Variants in PSPC1 observed in about 807,000 individuals in gnomAD.
The protein encoded by PSPC1 is paraspeckle component 1.
A neutral mutation model predicts 51.6 loss-of-function variants in PSPC1; 14 were observed. The ratio of observed to expected loss-of-function variants is 0.27; its 90% confidence interval spans 0.18 to 0.42. The LOEUF is 0.42. PSPC1 is among the 10% of genes least tolerant of loss of function. The pLI is 1.00. For missense variants in PSPC1, 406 were observed against 701.1 expected (o/e 0.58, Z 4.75); for synonymous variants, 193 against 231.9 (o/e 0.83, Z 1.53).
intron 6 of PSPC1, among the ~76,000 whole-genome samples, chr13:19,691,312 G>A (rs1274612343): frequency 6.6e-6 from 1 of 152,126 alleles, no homozygotes; most frequent in African/African-American, 2.4e-5. Flanking sequence ...TTTGAGACAA[G>A]GAGTTTGAGA....
chr13:19,735,661 G>C (rs943797370), intron 5 of PSPC1, among the ~76,000 whole-genome samples: 4 of 152,086 alleles, frequency 2.6e-5, no homozygotes, highest in African/African-American at 9.7e-5. Context: ...TATTTGGCTT[G>C]TTAACAAATA....
chr13:19,714,880 A>G (rs1011436695), intron 6 of PSPC1, among the ~76,000 whole-genome samples: 1 of 152,186 alleles, frequency 6.6e-6, no homozygotes, highest in Non-Finnish European at 1.5e-5. Flanking sequence ...GGTTATTAAC[A>G]TACTCCTCCC....
At chr13:19,696,413 T>C (rs958264497) in intron 6 of PSPC1, among the ~76,000 whole-genome samples, 27 of 152,100 alleles carry the variant, frequency 1.8e-4, no homozygotes, top group Non-Finnish European at 5.9e-5. Flanking sequence ...CAACTGTCAA[T>C]ACAGCAAATA....
intron 1 of PSPC1, among the ~76,000 whole-genome samples, chr13:19,781,373 A>AT (rs920805003): frequency 6.6e-6 from 1 of 151,758 alleles, no homozygotes. Context: ...GCTTGTTCAA[A>AT]TTTTTTTTAA....
intron 6 of PSPC1, among the ~76,000 whole-genome samples, chr13:19,728,437 TAAACACACACACACACACACACACACAC>T (rs1443469251): frequency 1.2e-5 from 1 of 83,720 alleles, no homozygotes; most frequent in Non-Finnish European, 2.2e-5. Flanking sequence ...TTTCAAAGCT[TAAACACACACACACACACACACACACAC>T]ACACACACAC....
chr13:19,746,180 G>A (rs1242026334), intron 4 of PSPC1, among the ~76,000 whole-genome samples: 1 of 151,758 alleles, frequency 6.6e-6, no homozygotes, highest in East Asian at 1.9e-4. Context: ...GAGGTGGGCG[G>A]ATCACGAGGT....
Position 19,741,655 on chromosome 13 carries a change from AAAT to A in PSPC1, c.968-9_968-7del. The A allele has an allele frequency of 6.4e-7, 1 of 1,553,914 alleles. No individual in the cohort carries two copies. Among genetic ancestry groups the A allele is most frequent in the Non-Finnish European group, 8.8e-7 (1 of 1,138,250 alleles). Reference sequence around the variant, plus strand: ...TTCTTGACGCCTCATTAGATCTATAAAATAATGACTGCACATTAATATTTTTAG... The same window carrying A: ...TTCTTGACGCCTCATTAGATCTATAAAATGACTGCACATTAATATTTTTAG... On this transcript the variant is annotated splice_polypyrimidine_tract_variant and splice_region_variant and intron_variant, in intron 4 of 8. Coordinates refer to ENST00000338910, the MANE Select transcript of PSPC1 (RefSeq NM_001354909.2).
rs185350701 is a variant in PSPC1, at chr13:19,709,675, A to G, written c.1159-76T>C. On this transcript the variant is annotated intron_variant, in intron 6 of 8. Coordinates refer to ENST00000338910, the MANE Select transcript of PSPC1 (RefSeq NM_001354909.2). ...CATTTCCCATCTAAAATCAAAAAGA[A>G]AAGAGTGAATTGGGACATCATTTTT... 3,816 of 1,214,034 alleles carry G rather than the reference A, an allele frequency of 3.1e-3. 7 individuals are homozygous for G. Among genetic ancestry groups the G allele is most frequent in the Non-Finnish European group, 3.8e-3 (3,236 of 853,724 alleles). The allele number at this position is 1,214,034 out of a possible 1,614,324, so 75.2% of individuals were successfully genotyped here.
intron 5 of PSPC1, among the ~76,000 whole-genome samples, chr13:19,736,463 C>T (rs894217203): frequency 1.3e-5 from 2 of 152,010 alleles, no homozygotes; most frequent in South Asian, 4.2e-4. Context: ...GCGGGCGGAT[C>T]ACAAGGTCAG....
intron 1 of PSPC1, among the ~76,000 whole-genome samples, chr13:19,778,997 GA>G (rs1459847205): frequency 2.1e-5 from 3 of 141,954 alleles, no homozygotes; most frequent in Admixed American, 2.1e-4. Context: ...CATCGTCTGA[GA>G]TGTGGGGAGC....
Position 19,743,715 on chromosome 13 carries a change from GAA to G in PSPC1, c.968-2068_968-2067del, listed in dbSNP as rs1212710793. Reference sequence around the variant, plus strand: ...GTAGTTCTCATAATAGGCCCATAGAGAAAACACTTGATTATCTGAAAAATGTT... The same window carrying G: ...GTAGTTCTCATAATAGGCCCATAGAGAACACTTGATTATCTGAAAAATGTT... On this transcript the variant is annotated intron_variant, in intron 4 of 8. Coordinates refer to ENST00000338910, the MANE Select transcript of PSPC1 (RefSeq NM_001354909.2). 2.6e-5 allele frequency among the ~76,000 whole-genome samples: 4 copies of G among 152,258 alleles called. No individual in the cohort carries two copies. In the South Asian group the frequency reaches 8.3e-4, roughly 32 times the overall value.
At chr13:19,765,053 T>C (rs1156722306) in intron 2 of PSPC1, among the ~76,000 whole-genome samples, 1 of 152,058 alleles carries the variant, frequency 6.6e-6, no homozygotes, top group Non-Finnish European at 1.5e-5. Flanking sequence ...GGTTTTTCAT[T>C]TTAGCTCAGT....
intron 4 of PSPC1, among the ~76,000 whole-genome samples, chr13:19,749,548 T>C (rs1886324229): frequency 6.7e-6 from 1 of 150,130 alleles, no homozygotes. Flanking sequence ...AAAAAATCTC[T>C]CTTCCAGATC....
At chr13:19,714,195 GTTATT>G (rs963088177) in intron 6 of PSPC1, among the ~76,000 whole-genome samples, 1 of 152,138 alleles carries the variant, frequency 6.6e-6, no homozygotes, top group Non-Finnish European at 1.5e-5. Flanking sequence ...AAGTAGGATG[GTTATT>G]TTAAGAAAAA....
rs990121368 is a variant in PSPC1 at position 19,759,437 on chromosome 13, A to T, written c.675-19T>A. On this transcript the variant is annotated intron_variant, in intron 2 of 8. Transcript: ENST00000338910. ...AGGGGTCCTGGATAGGTATAAAAGC[A>T]TTCATAAAAATTAACACAGTGCCAA... The T allele has an allele frequency of 6.4e-7, 1 of 1,554,666 alleles. No individual in the cohort carries two copies. Among genetic ancestry groups the T allele is most frequent in the Non-Finnish European group, 8.8e-7 (1 of 1,131,354 alleles).
chr13:19,757,313 C>A lies in PSPC1; in HGVS notation c.770+2010G>T, dbSNP rs543853375. Among the ~76,000 whole-genome samples, 6 of 152,182 alleles carry A rather than the reference C, an allele frequency of 3.9e-5. No individual in the cohort carries two copies. In the South Asian group the frequency reaches 1.2e-3, roughly 32 times the overall value. ...GCTTCAGATGACCATGCAACAAAGGCTCCAGCCAGTTCCAGGCAAAGACAC... is the reference window on the plus strand; with the variant it reads ...GCTTCAGATGACCATGCAACAAAGGATCCAGCCAGTTCCAGGCAAAGACAC... On this transcript the variant is annotated intron_variant, in intron 3 of 8. Coordinates refer to ENST00000338910, the MANE Select transcript of PSPC1 (RefSeq NM_001354909.2).
intron 1 of PSPC1, among the ~76,000 whole-genome samples, chr13:19,774,813 AAAAAAC>A (rs1566056559): frequency 6.7e-6 from 1 of 149,550 alleles, no homozygotes; most frequent in East Asian, 1.9e-4. Flanking sequence ...TCCAAAAAAA[AAAAAAC>A]AAAAAAAAAA....
At chr13:19,690,610 G>C (rs746191894) in intron 6 of PSPC1, among the ~76,000 whole-genome samples, 1 of 152,108 alleles carries the variant, frequency 6.6e-6, no homozygotes, top group Non-Finnish European at 1.5e-5. Flanking sequence ...CTTACTGCTT[G>C]GGGTTCCACC....
chr13:19,716,421 G>A (rs1175803424), intron 6 of PSPC1, among the ~76,000 whole-genome samples: 2 of 152,278 alleles, frequency 1.3e-5, no homozygotes, highest in South Asian at 2.1e-4. Context: ...GATCAATGAC[G>A]AGAGGTATTC....
Sources: allele counts gnomAD v4.1 joint callset (sites outside exome capture counted in the v4.1 genomes callset), GRCh38; gene constraint gnomAD v4.1.1; transcripts MANE v1.5; gene names NCBI Gene and HGNC (gene_info 2026-07-23, HGNC 2026-07-21).